STK31: variants seen among roughly 807,000 people sequenced by gnomAD.
STK31 encodes serine/threonine kinase 31, also known as serine/threonine-protein kinase 31.
Under a neutral mutation model 129.7 loss-of-function variants are expected in STK31, and 89 were observed. That is an observed-to-expected ratio of 0.69 (90% CI 0.58 to 0.82). The LOEUF (loss-of-function observed/expected upper bound fraction) is 0.82. Among genes scored for constraint, STK31 ranks in the 40% least tolerant of loss-of-function variants. The pLI is 0.00. For missense variants in STK31, 1,187 were observed against 1,176.4 expected (o/e 1.01, Z -0.13); for synonymous variants, 448 against 395.3 (o/e 1.13, Z -1.58).
intron 22 of STK31, among the ~76,000 whole-genome samples, chr7:23,813,345 T>C (rs1028330232): frequency 2.6e-5 from 4 of 152,208 alleles, no homozygotes; most frequent in African/African-American, 9.6e-5. Flanking sequence ...GACCATTGCT[T>C]GAAAGTTCTT....
At chr7:23,739,884 G>T (rs1035854371) in intron 8 of STK31, among the ~76,000 whole-genome samples, 1 of 152,136 alleles carries the variant, frequency 6.6e-6, no homozygotes, top group African/African-American at 2.4e-5. Context: ...TAGCCTTGTA[G>T]TATAGTTTGA....
At chr7:23,717,028 C>T (rs2128062326) in intron 3 of STK31, among the ~76,000 whole-genome samples, 1 of 145,120 alleles carries the variant, frequency 6.9e-6, no homozygotes, top group South Asian at 2.2e-4. Context: ...AACTCCTGGG[C>T]TCAAAAATGA....
At chr7:23,777,706 T>G (rs990649490) in intron 15 of STK31, among the ~76,000 whole-genome samples, 4 of 152,158 alleles carry the variant, frequency 2.6e-5, no homozygotes, top group Non-Finnish European at 5.9e-5. Flanking sequence ...CCTCCATCCC[T>G]TTATTTTGAG....
chr7:23,736,177 C>G (rs960108461), intron 7 of STK31, among the ~76,000 whole-genome samples: 2 of 152,186 alleles, frequency 1.3e-5, no homozygotes, highest in Non-Finnish European at 1.5e-5. Context: ...AAATAAAAAT[C>G]TGCTCCTAAA....
intron 10 of STK31, among the ~76,000 whole-genome samples, chr7:23,760,561 A>G (rs548765397): frequency 5.1e-4 from 77 of 152,362 alleles, no homozygotes; most frequent in Non-Finnish European, 1.0e-3. Flanking sequence ...ATTAACTTTT[A>G]AAATGGGCAT....
At position 23,754,478 on chromosome 7, in the gene STK31, A is replaced by G. The variant is rs2128094174; in HGVS notation, c.1293+4A>G. 1 of 1,604,042 alleles carries G rather than the reference A, an allele frequency of 6.2e-7. No homozygotes were observed. Among genetic ancestry groups the G allele is most frequent in the Non-Finnish European group, 8.5e-7 (1 of 1,177,432 alleles). The stretch of plus-strand genomic sequence containing the variant: ...TATTAAAACTTGTGAATATGTGGTG[A>G]GTTGGGAATTTTTCTCTATTGTGGT... On this transcript the variant is annotated splice_donor_region_variant and intron_variant, in intron 10 of 23. Transcript: ENST00000355870.
chr7:23,770,464 A>G (rs1790111073), intron 13 of STK31, among the ~76,000 whole-genome samples: 2 of 152,210 alleles, frequency 1.3e-5, no homozygotes, highest in Non-Finnish European at 2.9e-5. Flanking sequence ...AGTTGTTAAC[A>G]GGTGATTTCT....
intron 8 of STK31, among the ~76,000 whole-genome samples, chr7:23,742,897 A>T (rs1427458419): frequency 2.7e-5 from 4 of 149,226 alleles, no homozygotes; most frequent in African/African-American, 9.9e-5. Flanking sequence ...TAGTGGGAAC[A>T]TTTGATTCCT....
In STK31 at chr7:23,752,764, T is replaced by C; in HGVS notation, c.1065T>C (p.Thr355=). The part of the protein sequence containing the change: ...AVDLTNHLEY[T]LKTYIDTRMK... ...ATTTGACTAACCACTTAGAATACAC[T>C]CTGAAGACCTATATAGATACCAGAA... is the stretch of plus-strand genomic sequence containing the variant. The change falls in exon 9 of 24, where the codon ACT becomes ACC. Residue 355 remains threonine, a synonymous_variant. Coordinates refer to ENST00000355870, the MANE Select transcript of STK31 (RefSeq NM_031414.5). 6.2e-7 allele frequency: 1 copy of C among 1,613,874 alleles called. No homozygotes were observed. The highest frequency in any genetic ancestry group is 8.5e-7 in the Non-Finnish European group (1 of 1,179,920).
chr7:23,831,995 G>T, intron 23 of STK31, 141 bp from the exon 24 acceptor site: 1 of 618,042 alleles, frequency 1.6e-6, no homozygotes, highest in Non-Finnish European at 2.9e-6. Context: ...TTTTTGTTGA[G>T]GGGAGTACCA....
chr7:23,824,889 C>A (rs1794028493), intron 23 of STK31, among the ~76,000 whole-genome samples: 1 of 151,682 alleles, frequency 6.6e-6, no homozygotes, highest in South Asian at 2.1e-4. Context: ...TGTTTATATG[C>A]TGGATTACGT....
intron 23 of STK31, among the ~76,000 whole-genome samples, chr7:23,831,334 A>G (rs1276683757): frequency 4.6e-5 from 7 of 151,990 alleles, no homozygotes; most frequent in African/African-American, 1.7e-4. Context: ...CTCTTGCTGA[A>G]TTGATCCCTT....
At position 23,806,228 on chromosome 7, in the gene STK31, A is replaced by G. The variant is rs977448707; in HGVS notation, c.2761-8916A>G. On this transcript the variant is annotated intron_variant, in intron 22 of 23. Transcript: ENST00000355870. ...TTAGGCATCTTTAGGCTTGTCTCCTATGTGCTGTTTTTTTAAGAAGTTCTC... is the reference window on the plus strand; with the variant it reads ...TTAGGCATCTTTAGGCTTGTCTCCTGTGTGCTGTTTTTTTAAGAAGTTCTC... 2.0e-5 allele frequency among the ~76,000 whole-genome samples: 3 copies of G among 152,270 alleles called. No homozygotes were observed. The East Asian group carries it at 5.8e-4, about 29-fold the overall frequency.
intron 3 of STK31, among the ~76,000 whole-genome samples, chr7:23,716,963 C>G (rs897303011): frequency 5.3e-5 from 8 of 151,398 alleles, no homozygotes; most frequent in Non-Finnish European, 7.4e-5. Flanking sequence ...CCCGGCTAAT[C>G]TTTTGTATTA....
chr7:23,822,915 A>C (rs1481655693), intron 23 of STK31, among the ~76,000 whole-genome samples: 1 of 152,182 alleles, frequency 6.6e-6, no homozygotes, highest in Non-Finnish European at 1.5e-5. Flanking sequence ...GTCCCTACAA[A>C]GGACATGAAC....
At chr7:23,795,991 A>G (rs943722100) in intron 22 of STK31, among the ~76,000 whole-genome samples, 2 of 152,202 alleles carry the variant, frequency 1.3e-5, no homozygotes, top group African/African-American at 4.8e-5. Context: ...TTTTGACTTA[A>G]TGCTTAAATG....
chr7:23,738,571 C>CT (rs1225008845), intron 8 of STK31, among the ~76,000 whole-genome samples: 20 of 147,082 alleles, frequency 1.4e-4, no homozygotes, highest in Admixed American at 2.7e-4. Context: ...GTTTTCTTTT[C>CT]TTTTTTTTTT....
At chr7:23,724,731 C>T (rs1044110922) in intron 4 of STK31, among the ~76,000 whole-genome samples, 4 of 152,124 alleles carry the variant, frequency 2.6e-5, no homozygotes, top group Non-Finnish European at 5.9e-5. Flanking sequence ...GAGAGAGTAC[C>T]GTACTATTAC....
intron 1 of STK31, 191 bp downstream of exon 1, chr7:23,710,526 G>A (rs1785878577): frequency 6.9e-7 from 1 of 1,444,780 alleles, no homozygotes; most frequent in Non-Finnish European, 9.1e-7. Context: ...AGGCGAAAGT[G>A]GCTCGAAAAG....
Sources: allele counts gnomAD v4.1 joint callset (sites outside exome capture counted in the v4.1 genomes callset), GRCh38; gene constraint gnomAD v4.1.1; transcripts MANE v1.5; gene names NCBI Gene and HGNC (gene_info 2026-07-23, HGNC 2026-07-21).